Variants in RBFOX1 observed in about 807,000 individuals in gnomAD.
RBFOX1 encodes the protein RNA binding fox-1 homolog 1, also known as RNA binding protein fox-1 homolog 1.
A neutral mutation model predicts 57.7 loss-of-function variants in RBFOX1; 8 were observed. The observed-to-expected ratio is 0.14, with a 90% CI of 0.08 to 0.25. The LOEUF (loss-of-function observed/expected upper bound fraction) is 0.25. Ranked by LOEUF, RBFOX1 falls within the 10% of genes least tolerant of loss-of-function variation. The pLI is 1.00. For synonymous variants in RBFOX1, 326 were observed against 222.4 expected (o/e 1.47, Z -4.15); for missense variants, 611 against 548.5 (o/e 1.11, Z -1.14).
intron 2 of RBFOX1, among the ~76,000 whole-genome samples, chr16:5,510,856 C>T (rs11639931): frequency 0.48 from 73,310 of 151,928 alleles, 18,176 homozygotes; most frequent in African/African-American, 0.59. Flanking sequence ...CTGACTCTCT[C>T]TGTCCTGACA....
At chr16:6,628,145 G>T (rs115172698) in intron 2 of RBFOX1, among the ~76,000 whole-genome samples, 1 of 152,292 alleles carries the variant, frequency 6.6e-6, no homozygotes, top group African/African-American at 2.4e-5. Context: ...TGTGATACTG[G>T]TATGGCGTTA....
chr16:5,650,949 TTC>T (rs573476568), intron 3 of RBFOX1, among the ~76,000 whole-genome samples: 5 of 149,004 alleles, frequency 3.4e-5, no homozygotes, highest in Admixed American at 6.6e-5. Context: ...TCTGCCTCAT[TTC>T]TCTCTTTTCT....
chr16:6,637,086 A>G (rs2098443120), intron 2 of RBFOX1, among the ~76,000 whole-genome samples: 1 of 43,720 alleles, frequency 2.3e-5, no homozygotes, highest in African/African-American at 5.7e-5. Context: ...AATATATATA[A>G]TACATATTAA....
At chr16:5,415,469 C>T (rs985696908) in intron 1 of RBFOX1, among the ~76,000 whole-genome samples, 4 of 152,192 alleles carry the variant, frequency 2.6e-5, no homozygotes, top group African/African-American at 9.7e-5. Context: ...CAAACCATAT[C>T]ACACGGTGAT....
intron 4 of RBFOX1, among the ~76,000 whole-genome samples, chr16:7,423,860 A>G (rs1165539337): frequency 1.3e-5 from 2 of 152,158 alleles, no homozygotes; most frequent in Non-Finnish European, 2.9e-5. Flanking sequence ...AGGTGGCGCC[A>G]TGCATTATGC....
At chr16:5,258,996 G>A (rs1284647496) in intron 1 of RBFOX1, among the ~76,000 whole-genome samples, 7 of 152,066 alleles carry the variant, frequency 4.6e-5, no homozygotes, top group African/African-American at 1.7e-4. Context: ...CTTAATGTTA[G>A]CCCCCTCCTG....
intron 3 of RBFOX1, among the ~76,000 whole-genome samples, chr16:5,614,629 G>T (rs2047952357): frequency 6.6e-6 from 1 of 152,090 alleles, no homozygotes; most frequent in African/African-American, 2.4e-5. Context: ...CTGTTCATTT[G>T]CTCCATAATT....
chr16:7,426,185 C>A (rs767284080), intron 4 of RBFOX1, among the ~76,000 whole-genome samples: 1 of 152,164 alleles, frequency 6.6e-6, no homozygotes, highest in Admixed American at 6.5e-5. Flanking sequence ...CAAACACAGC[C>A]GAAAAGAGCT....
intron 3 of RBFOX1, among the ~76,000 whole-genome samples, chr16:6,832,265 A>C (rs1159377054): frequency 6.6e-6 from 1 of 152,216 alleles, no homozygotes; most frequent in African/African-American, 2.4e-5. Flanking sequence ...TTTATCTTGA[A>C]AAGAGCAATT....
intron 3 of RBFOX1, among the ~76,000 whole-genome samples, chr16:6,836,933 C>G (rs1247213692): frequency 6.6e-6 from 1 of 152,110 alleles, no homozygotes; most frequent in Non-Finnish European, 1.5e-5. Flanking sequence ...ACACACATTA[C>G]TTCCATATCA....
chr16:6,778,057 C>T (rs542049566), intron 3 of RBFOX1, among the ~76,000 whole-genome samples: 3 of 152,162 alleles, frequency 2.0e-5, no homozygotes, highest in African/African-American at 7.2e-5. Flanking sequence ...CTTGTCATTT[C>T]AACATAAACG....
chr16:6,323,766 G>C (rs543553745), intron 2 of RBFOX1, among the ~76,000 whole-genome samples: 16 of 151,406 alleles, frequency 1.1e-4, no homozygotes, highest in Non-Finnish European at 1.0e-4. Context: ...TTGCATAGTA[G>C]TGAAGTCTGT....
At chr16:5,917,899 C>A (rs1021867887) in intron 4 of RBFOX1, among the ~76,000 whole-genome samples, 1 of 152,094 alleles carries the variant, frequency 6.6e-6, no homozygotes, top group African/African-American at 2.4e-5. Context: ...TTTCTCTTCC[C>A]GCTGCACTGA....
intron 3 of RBFOX1, among the ~76,000 whole-genome samples, chr16:7,048,591 G>A (rs1475186873): frequency 6.6e-6 from 1 of 152,084 alleles, no homozygotes; most frequent in Non-Finnish European, 1.5e-5. Flanking sequence ...TTGTTTCTTT[G>A]CTAATGCTGT....
At chr16:7,358,087 A>G (rs1454792921) in intron 4 of RBFOX1, among the ~76,000 whole-genome samples, 1 of 152,248 alleles carries the variant, frequency 6.6e-6, no homozygotes, top group African/African-American at 2.4e-5. Context: ...GATCTTCGAT[A>G]GGTAATTTAC....
At chr16:6,539,314 G>T (rs145884545) in intron 2 of RBFOX1, among the ~76,000 whole-genome samples, 1 of 152,062 alleles carries the variant, frequency 6.6e-6, no homozygotes, top group Non-Finnish European at 1.5e-5. Context: ...AATAAATCAT[G>T]GAATAGTACT....
rs147328532 is a variant in RBFOX1 at position 6,149,484 on chromosome 16, G to A, written c.-127+129492G>A. Among the ~76,000 whole-genome samples, 22 of 152,304 alleles carry A rather than the reference G, an allele frequency of 1.4e-4. No homozygotes were observed. In the East Asian group the frequency reaches 2.7e-3, roughly 19 times the overall value. ...TCTTGAAATTCTTAGTAATTATTCC[G>A]TGATGGGACATGCATTTTCATTTTT... On this transcript the variant is annotated intron_variant, in intron 1 of 15. Coordinates refer to ENST00000550418, the MANE Select transcript of RBFOX1 (RefSeq NM_018723.4).
At chr16:7,198,813 A>G (rs1320965959) in intron 4 of RBFOX1, among the ~76,000 whole-genome samples, 2 of 152,214 alleles carry the variant, frequency 1.3e-5, no homozygotes, top group Non-Finnish European at 2.9e-5. Flanking sequence ...TGGATATTAA[A>G]TTTCTGACAC....
intron 1 of RBFOX1, among the ~76,000 whole-genome samples, chr16:6,247,896 C>G (rs755416912): frequency 6.6e-6 from 1 of 152,180 alleles, no homozygotes; most frequent in East Asian, 1.9e-4. Flanking sequence ...GCTCCAGTCA[C>G]TCTCCAAGAT....
Sources: allele counts gnomAD v4.1 joint callset (sites outside exome capture counted in the v4.1 genomes callset), GRCh38; gene constraint gnomAD v4.1.1; transcripts MANE v1.5; gene names NCBI Gene and HGNC (gene_info 2026-07-23, HGNC 2026-07-21).